Variants in SVOPL observed in about 807,000 individuals in gnomAD.
SVOPL encodes SVOP like, also known as putative transporter SVOPL.
SVOPL carries 60 observed loss-of-function variants against 61.0 expected under a neutral mutation model. The observed-to-expected ratio is 0.98, with a 90% CI of 0.80 to 1.22. SVOPL has a LOEUF of 1.22. SVOPL is among the 50% of genes most tolerant of loss of function. The pLI is 0.00. For missense variants in SVOPL, 662 were observed against 643.9 expected (o/e 1.03, Z -0.30); for synonymous variants, 279 against 250.0 (o/e 1.12, Z -1.09).
intron 7 of SVOPL, among the ~76,000 whole-genome samples, chr7:138,655,745 T>A (rs1213777750): frequency 1.3e-5 from 2 of 151,192 alleles, no homozygotes; most frequent in Admixed American, 6.6e-5. Context: ...TATATTCATT[T>A]ATTACTGTAA....
intron 1 of SVOPL, among the ~76,000 whole-genome samples, chr7:138,682,989 A>G (rs1203025154): frequency 2.0e-5 from 3 of 151,768 alleles, no homozygotes; most frequent in Admixed American, 6.6e-5. Context: ...AAAAGAAAAA[A>G]AAAAGAAAAA....
intron 14 of SVOPL, among the ~76,000 whole-genome samples, chr7:138,604,130 G>T (rs940345734): frequency 2.0e-5 from 3 of 151,390 alleles, no homozygotes; most frequent in Admixed American, 6.6e-5. Context: ...CACCCAGCTA[G>T]TTTTTTTATT....
At chr7:138,674,136 T>C (rs1005402308) in intron 3 of SVOPL, among the ~76,000 whole-genome samples, 1 of 151,738 alleles carries the variant, frequency 6.6e-6, no homozygotes, top group Admixed American at 6.6e-5. Context: ...TGCAGTGAGC[T>C]GAGATCACAC....
intron 5 of SVOPL, chr7:138,661,979 T>C (rs2117081132): frequency 6.1e-6 from 6 of 985,504 alleles, no homozygotes; most frequent in Non-Finnish European, 7.2e-6. Context: ...ACTTGCTGCA[T>C]GAACCCACTG....
At chr7:138,659,555 G>A (rs529519712) in intron 6 of SVOPL, among the ~76,000 whole-genome samples, 49 of 151,682 alleles carry the variant, frequency 3.2e-4, no homozygotes, top group African/African-American at 1.2e-3. Flanking sequence ...CCCACCCTTT[G>A]AGTTGTCCTG....
chr7:138,607,410 A>T (rs1798807055), intron 14 of SVOPL, among the ~76,000 whole-genome samples: 1 of 152,208 alleles, frequency 6.6e-6, no homozygotes, highest in African/African-American at 2.4e-5. Context: ...AGTCACAAAG[A>T]CATGGGGAAG....
rs756539111 is a variant in SVOPL, at chr7:138,644,753, C to T, written c.753G>A (p.Ser251=). 28 of 1,614,004 alleles carry T rather than the reference C, an allele frequency of 1.7e-5. No individual in the cohort carries two copies. The highest frequency in any genetic ancestry group is 3.3e-4 in the Middle Eastern group (2 of 6,084). Residue 251 remains serine, a synonymous_variant, in exon 9 of 16, where the codon TCG becomes TCA. Coordinates refer to ENST00000674285, the MANE Select transcript of SVOPL (RefSeq NM_001139456.2). ...CCACCAGCTTCCCCTCCGGCATGAC[C>T]GAGCGGTTCATCTTGGCAACGCGCT... ...TLERVAKMNR[S]VMPEGKLVEP...
chr7:138,606,822 C>T (rs545826758), intron 14 of SVOPL, among the ~76,000 whole-genome samples: 195 of 152,214 alleles, frequency 1.3e-3, no homozygotes, highest in African/African-American at 4.5e-3. Context: ...GGCGTGGTGG[C>T]GCATGCCTGT....
rs577766264 is a variant in SVOPL at position 138,633,470 on chromosome 7, G to A, written c.790-3348C>T. Among the ~76,000 whole-genome samples the A allele has an allele frequency of 2.0e-5, 3 of 152,208 alleles. No homozygotes were observed. The East Asian group carries it at 5.8e-4, about 29-fold the overall frequency. On this transcript the variant is annotated intron_variant, in intron 9 of 15. Coordinates refer to ENST00000674285, the MANE Select transcript of SVOPL (RefSeq NM_001139456.2). ...CGCTCCTTCTCTCACCATGTAACATGCCTGCTCCCTGTTCACTTTCTGTCA... is the reference window on the plus strand; with the variant it reads ...CGCTCCTTCTCTCACCATGTAACATACCTGCTCCCTGTTCACTTTCTGTCA...
At chr7:138,620,444 C>CAA (rs3080386) in intron 14 of SVOPL, among the ~76,000 whole-genome samples, 31,743 of 86,898 alleles carry the variant, frequency 0.37, 5,500 homozygotes, top group African/African-American at 0.41. Context: ...TCTTTGCAGC[C>CAA]AAAAAAAAAA....
intron 1 of SVOPL, among the ~76,000 whole-genome samples, chr7:138,688,286 T>G (rs1802865326): frequency 6.6e-6 from 1 of 151,876 alleles, no homozygotes; most frequent in Non-Finnish European, 1.5e-5. Flanking sequence ...TTTTTTTTTT[T>G]GAGACAGAGT....
chr7:138,640,580 G>A (rs1316271570), intron 9 of SVOPL, among the ~76,000 whole-genome samples: 1 of 152,138 alleles, frequency 6.6e-6, no homozygotes, highest in Non-Finnish European at 1.5e-5. Flanking sequence ...GATTAAGGCA[G>A]CCACAAATAA....
chr7:138,611,527 T>C (rs571239203), intron 14 of SVOPL, among the ~76,000 whole-genome samples: 25 of 152,220 alleles, frequency 1.6e-4, no homozygotes, highest in Non-Finnish European at 3.1e-4. Flanking sequence ...AAATCACTTC[T>C]GAAAAAATTA....
intron 12 of SVOPL, among the ~76,000 whole-genome samples, chr7:138,626,485 C>G (rs1799899611): frequency 6.6e-6 from 1 of 152,132 alleles, no homozygotes; most frequent in Non-Finnish European, 1.5e-5. Flanking sequence ...CTCAGCCTCT[C>G]AGGCTCAAGT....
intron 14 of SVOPL, among the ~76,000 whole-genome samples, chr7:138,605,897 C>T (rs192092229): frequency 2.0e-5 from 3 of 152,268 alleles, no homozygotes; most frequent in East Asian, 3.9e-4. Flanking sequence ...TTCCAATCAA[C>T]CTCTTGCATG....
At chr7:138,625,193 A>G (rs1799840195) in intron 13 of SVOPL, 2 of 152,246 alleles carry the variant, frequency 1.3e-5, no homozygotes, top group African/African-American at 4.8e-5. Flanking sequence ...AGTATTATGT[A>G]TAATTCAAAC....
At chr7:138,618,242 G>C (rs1335239779) in intron 14 of SVOPL, among the ~76,000 whole-genome samples, 2 of 152,126 alleles carry the variant, frequency 1.3e-5, no homozygotes, top group African/African-American at 4.8e-5. Flanking sequence ...GATAATATTA[G>C]CTCACATTTA....
At chr7:138,595,948 G>A (rs1798256838) in intron 15 of SVOPL, among the ~76,000 whole-genome samples, 1 of 152,190 alleles carries the variant, frequency 6.6e-6, no homozygotes, top group South Asian at 2.1e-4. Context: ...AGCACTTTAG[G>A]AGGCCAAGAC....
intron 9 of SVOPL, among the ~76,000 whole-genome samples, chr7:138,633,966 G>A (rs1371371233): frequency 6.6e-6 from 1 of 152,154 alleles, no homozygotes; most frequent in Non-Finnish European, 1.5e-5. Context: ...AGGATCCCAA[G>A]AAAGCAAGGA....
Sources: allele counts gnomAD v4.1 joint callset (sites outside exome capture counted in the v4.1 genomes callset), GRCh38; gene constraint gnomAD v4.1.1; transcripts MANE v1.5; gene names NCBI Gene and HGNC (gene_info 2026-07-23, HGNC 2026-07-21).